Variants in NLGN1 observed in about 807,000 individuals in gnomAD.
NLGN1 encodes the protein neuroligin 1.
Under a neutral mutation model 65.5 loss-of-function variants are expected in NLGN1, and 12 were observed. The ratio of observed to expected loss-of-function variants is 0.18; its 90% confidence interval spans 0.12 to 0.30. The LOEUF (loss-of-function observed/expected upper bound fraction) is 0.30. NLGN1 is among the 10% of genes least tolerant of loss of function. The pLI is 1.00. For synonymous variants in NLGN1, 350 were observed against 359.5 expected, an observed-to-expected ratio of 0.97 and a Z score of 0.30; for missense variants, 750 against 1,007.1, an observed-to-expected ratio of 0.74 and a Z score of 3.46.
intron 4 of NLGN1, among the ~76,000 whole-genome samples, chr3:174,023,402 G>C (rs979115841): frequency 1.3e-5 from 2 of 152,124 alleles, no homozygotes; most frequent in African/African-American, 4.8e-5. Flanking sequence ...GGTAGTCATA[G>C]GAACTCCCTT....
At chr3:173,426,931 A>G (rs1467481224) in intron 1 of NLGN1, among the ~76,000 whole-genome samples, 1 of 152,016 alleles carries the variant, frequency 6.6e-6, no homozygotes. Flanking sequence ...GTTTGGTAAA[A>G]CTTAGCAATG....
chr3:174,093,233 A>G (rs1002653827), intron 4 of NLGN1, among the ~76,000 whole-genome samples: 6 of 152,352 alleles, frequency 3.9e-5, no homozygotes, highest in Admixed American at 3.3e-4. Flanking sequence ...AGAGAAGGAA[A>G]AGGAAGAATT....
chr3:174,090,114 A>C (rs2152563490), intron 4 of NLGN1, among the ~76,000 whole-genome samples: 1 of 151,444 alleles, frequency 6.6e-6, no homozygotes, highest in Admixed American at 6.6e-5. Context: ...GAACCAGCAA[A>C]GTGTTCTGTT....
At chr3:174,096,833 A>G (rs778501959) in intron 4 of NLGN1, among the ~76,000 whole-genome samples, 16 of 152,140 alleles carry the variant, frequency 1.1e-4, no homozygotes, top group Non-Finnish European at 2.4e-4. Context: ...AACGTGTAGA[A>G]ACCATGACAG....
intron 4 of NLGN1, among the ~76,000 whole-genome samples, chr3:173,981,041 A>G (rs978445275): frequency 6.6e-6 from 1 of 152,098 alleles, no homozygotes; most frequent in African/African-American, 2.4e-5. Flanking sequence ...AATAATAGCT[A>G]TATGTCAGAA....
At chr3:173,818,143 A>G (rs1416967262) in intron 4 of NLGN1, among the ~76,000 whole-genome samples, 1 of 152,222 alleles carries the variant, frequency 6.6e-6, no homozygotes, top group Non-Finnish European at 1.5e-5. Flanking sequence ...AGCAGCCACT[A>G]TAGCCTTCTA....
chr3:173,531,414 C>T (rs1292240549), intron 2 of NLGN1, among the ~76,000 whole-genome samples: 1 of 151,846 alleles, frequency 6.6e-6, no homozygotes, highest in African/African-American at 2.4e-5. Flanking sequence ...GTACAAGAAA[C>T]CTTTATGATA....
intron 4 of NLGN1, among the ~76,000 whole-genome samples, chr3:173,818,135 C>T (rs756769959): frequency 1.3e-5 from 2 of 152,164 alleles, no homozygotes; most frequent in Non-Finnish European, 2.9e-5. Flanking sequence ...ATTTATTAAG[C>T]AGCCACTATA....
chr3:174,100,312 C>T (rs1712129252), intron 4 of NLGN1, among the ~76,000 whole-genome samples: 1 of 151,890 alleles, frequency 6.6e-6, no homozygotes, highest in Non-Finnish European at 1.5e-5. Context: ...TTTAGCTACT[C>T]TATAATGTTC....
chr3:173,453,418 G>C (rs1355099810), intron 2 of NLGN1, among the ~76,000 whole-genome samples: 1 of 151,860 alleles, frequency 6.6e-6, no homozygotes, highest in Non-Finnish European at 1.5e-5. Flanking sequence ...AATGAAGTTG[G>C]TCACATTGAT....
chr3:174,005,616 A>G (rs1724202282), intron 4 of NLGN1, among the ~76,000 whole-genome samples: 1 of 152,010 alleles, frequency 6.6e-6, no homozygotes, highest in Admixed American at 6.6e-5. Flanking sequence ...AGTTTACACA[A>G]TCCCACAACC....
At chr3:173,573,369 G>A (rs1466833233) in intron 2 of NLGN1, among the ~76,000 whole-genome samples, 1 of 152,032 alleles carries the variant, frequency 6.6e-6, no homozygotes, top group Non-Finnish European at 1.5e-5. Flanking sequence ...TATTTTTGCT[G>A]TTATGATTAT....
At chr3:174,194,381 G>T (rs909024032) in intron 4 of NLGN1, among the ~76,000 whole-genome samples, 1 of 151,550 alleles carries the variant, frequency 6.6e-6, no homozygotes, top group African/African-American at 2.4e-5. Flanking sequence ...CCTGGGAGGC[G>T]GAGGTTTCAG....
chr3:174,057,390 A>C (rs915365869), intron 4 of NLGN1, among the ~76,000 whole-genome samples: 5 of 152,074 alleles, frequency 3.3e-5, no homozygotes, highest in Non-Finnish European at 7.4e-5. Flanking sequence ...CCTGCAGGGA[A>C]GGAATCCCAT....
chr3:173,773,915 A>G (rs1370167352), intron 3 of NLGN1, among the ~76,000 whole-genome samples: 2 of 152,212 alleles, frequency 1.3e-5, no homozygotes, highest in African/African-American at 4.8e-5. Context: ...GTACTTTAAA[A>G]TGGAGTTAAT....
intron 4 of NLGN1, among the ~76,000 whole-genome samples, chr3:174,261,732 T>A (rs1264253208): frequency 7.1e-6 from 1 of 141,708 alleles, no homozygotes; most frequent in Non-Finnish European, 1.5e-5. Context: ...TGAATAGGAG[T>A]GGTGAGAGAG....
chr3:173,906,878 CA>C (rs1224471514), intron 4 of NLGN1, among the ~76,000 whole-genome samples: 4,027 of 88,366 alleles, frequency 0.046, 109 homozygotes, highest in African/African-American at 0.13. Flanking sequence ...CAAACAAAAA[CA>C]AAAAAAAAAA....
intron 4 of NLGN1, among the ~76,000 whole-genome samples, chr3:174,269,452 GGCTTATTTCACATAGCA>G (rs1159296971): frequency 3.0e-4 from 45 of 151,712 alleles, no homozygotes; most frequent in Admixed American, 2.8e-3. Context: ...TTTTGTGACT[GGCTTATTTCACATAGCA>G]CATTGTCTTC....
At chr3:173,499,909 T>C (rs535889363) in intron 2 of NLGN1, among the ~76,000 whole-genome samples, 91 of 151,954 alleles carry the variant, frequency 6.0e-4, no homozygotes, top group Non-Finnish European at 1.1e-3. Context: ...TGATTTTGTA[T>C]CCTGAGACTT....
Sources: allele counts gnomAD v4.1 joint callset (sites outside exome capture counted in the v4.1 genomes callset), GRCh38; gene constraint gnomAD v4.1.1; transcripts MANE v1.5; gene names NCBI Gene and HGNC (gene_info 2026-07-23, HGNC 2026-07-21).